FREM2: variants seen among roughly 807,000 people sequenced by gnomAD.
FREM2 encodes the protein FRAS1 related extracellular matrix 2.
FREM2 carries 119 observed loss-of-function variants against 219.9 expected under a neutral mutation model. That is an observed-to-expected ratio of 0.54 (90% confidence interval 0.47 to 0.63). The LOEUF (loss-of-function observed/expected upper bound fraction) is 0.63. FREM2 is among the 30% of genes least tolerant of loss of function. The pLI is 0.00. For synonymous variants in FREM2, 1,562 were observed against 1,522.8 expected (o/e 1.03, Z -0.60); for missense variants, 4,030 against 3,993.6 (o/e 1.01, Z -0.25).
rs1186165182 is a variant in FREM2 at position 38,764,292 on chromosome 13, T to C, written c.5264-12T>C. 6.2e-7 allele frequency: 1 copy of C among 1,605,540 alleles called. No individual in the cohort carries two copies. The highest frequency in any genetic ancestry group is 1.7e-5 in the Admixed American group (1 of 59,940). ...AAGCACTAATTTATGGCTTTAAATT[T>C]TTATTTTCAAGGTGGAAACAAGTTA... On this transcript the variant is annotated splice_polypyrimidine_tract_variant and intron_variant, in intron 2 of 23. Transcript: ENST00000280481.
intron 6 of FREM2, among the ~76,000 whole-genome samples, chr13:38,803,600 A>T (rs1476078714): frequency 6.6e-6 from 1 of 151,858 alleles, no homozygotes; most frequent in African/African-American, 2.4e-5. Context: ...GTCAGTGTTA[A>T]CAATATTTCA....
intron 7 of FREM2, among the ~76,000 whole-genome samples, chr13:38,847,484 A>G (rs1877208318): frequency 6.6e-6 from 1 of 152,206 alleles, no homozygotes; most frequent in Admixed American, 6.5e-5. Context: ...TGCACGTAGC[A>G]GGTGCCCATT....
chr13:38,814,012 A>G (rs954183695), intron 6 of FREM2, among the ~76,000 whole-genome samples: 1 of 151,672 alleles, frequency 6.6e-6, no homozygotes, highest in Admixed American at 6.6e-5. Flanking sequence ...TGTCGCCTAC[A>G]TTTTTCAAGT....
At chr13:38,876,446 TAA>T (rs67517056) in intron 20 of FREM2, 64 bp downstream of exon 20, 1,617 of 1,104,868 alleles carry the variant, frequency 1.5e-3, no homozygotes, top group Non-Finnish European at 1.6e-3. Context: ...CATTTATTAG[TAA>T]AAAAAAAAAA....
At chr13:38,832,129 A>G (rs1412368191) in intron 6 of FREM2, among the ~76,000 whole-genome samples, 1 of 151,948 alleles carries the variant, frequency 6.6e-6, no homozygotes, top group African/African-American at 2.4e-5. Context: ...AGCCTGGCCA[A>G]CATGGTGAAA....
chr13:38,853,646 C>T (rs921872668), intron 11 of FREM2, among the ~76,000 whole-genome samples: 5 of 152,148 alleles, frequency 3.3e-5, no homozygotes, highest in Admixed American at 2.0e-4. Context: ...ATATTCTTTC[C>T]ATATAATGGT....
chr13:38,743,111 C>T (rs1872316747), intron 2 of FREM2, among the ~76,000 whole-genome samples: 1 of 152,156 alleles, frequency 6.6e-6, no homozygotes, highest in Non-Finnish European at 1.5e-5. Context: ...AGCTCATCCA[C>T]CTTGCTGACA....
chr13:38,768,081 A>G (rs1873511987), intron 3 of FREM2, among the ~76,000 whole-genome samples: 1 of 152,180 alleles, frequency 6.6e-6, no homozygotes, highest in Admixed American at 6.5e-5. Flanking sequence ...AGAGCCTGGC[A>G]TGGAATAAGT....
At chr13:38,789,791 C>T (rs1874485726) in intron 6 of FREM2, among the ~76,000 whole-genome samples, 1 of 149,782 alleles carries the variant, frequency 6.7e-6, no homozygotes, top group South Asian at 2.1e-4. Context: ...ATTTTTTCTT[C>T]ATATAGTTTC....
At chr13:38,846,754 G>A (rs758020273) in intron 7 of FREM2, 32 bp downstream of exon 7, 1 of 1,612,290 alleles carries the variant, frequency 6.2e-7, no homozygotes, top group South Asian at 1.1e-5. Flanking sequence ...TCTTTTGATT[G>A]TTCTGCAATT....
rs773097689 is a variant in FREM2 at position 38,864,459 on chromosome 13, C to T, written c.7836C>T (p.Tyr2612=). The change falls in exon 16 of 24, where the codon TAC becomes TAT. Residue 2612 remains tyrosine, a synonymous_variant. Transcript: ENST00000280481. ...AAATAATTGGAGAGACATATCCTTA[C>T]CAGTACAGCTTGTCCATCAGAGGTT... ...NPEIIGETYP[Y]QYSLSIRGST... The T allele has an allele frequency of 6.2e-7, 1 of 1,614,154 alleles. No individual in the cohort carries two copies. The highest frequency in any genetic ancestry group is 8.5e-7 in the Non-Finnish European group (1 of 1,180,026).
In FREM2 at chr13:38,850,157, C is replaced by G. The variant is rs114837786; in HGVS notation, c.6499C>G (p.Arg2167Gly). 6.2e-7 allele frequency: 1 copy of G among 1,613,974 alleles called. No homozygotes were observed. Among genetic ancestry groups the G allele is most frequent in the Non-Finnish European group, 8.5e-7 (1 of 1,179,872 alleles). The part of the protein sequence containing the change: ...QYRSSVRCYT[R>G]QGSAQVMMDF... ...CAGATCTTCAGTGAGATGCTACACC[C>G]GGCAGGGGTCTGCACAGGTGATGAT... Residue 2167 changes from arginine (R) to glycine (G), a missense_variant, in exon 9 of 24, where the codon CGG becomes GGG. Arg to Gly is a moderately radical substitution (Grantham distance 125, BLOSUM62 -2). This residue lies in a region of FREM2 where 3,102 missense variants were observed against 2,950.7 expected (regional missense o/e 1.05). Coordinates refer to ENST00000280481, the MANE Select transcript of FREM2 (RefSeq NM_207361.6).
chr13:38,822,347 C>CT lies in FREM2; in HGVS notation c.6020-24202dup, dbSNP rs951562767. Among the ~76,000 whole-genome samples, 486 of 100,024 alleles carry CT rather than the reference C, an allele frequency of 4.9e-3. 2 individuals are homozygous for CT. The highest frequency in any genetic ancestry group is 0.017 in the Middle Eastern group (3 of 176). The allele number at this position is 100,024 out of a possible 152,430, so 65.6% of individuals were successfully genotyped here. A position where few individuals can be genotyped will look rare whatever the true frequency, so the allele number is the denominator to read the frequency against. Reference sequence around the variant, plus strand: ...CCAACAAGGAGCCCATTCTTTCTTTCTTTTTTTTTTTTTTTTTTTTTTTTA... The same window carrying CT: ...CCAACAAGGAGCCCATTCTTTCTTTCTTTTTTTTTTTTTTTTTTTTTTTTTA... On this transcript the variant is annotated intron_variant, in intron 6 of 23. Transcript: ENST00000280481.
intron 2 of FREM2, among the ~76,000 whole-genome samples, chr13:38,726,171 G>T (rs544878798): frequency 1.8e-3 from 278 of 152,274 alleles, no homozygotes; most frequent in Non-Finnish European, 2.6e-3. Flanking sequence ...GGTTTCTGTG[G>T]GAAAAGTGAG....
chr13:38,826,905 A>C (rs772574067), intron 6 of FREM2, among the ~76,000 whole-genome samples: 1 of 152,092 alleles, frequency 6.6e-6, no homozygotes, highest in Non-Finnish European at 1.5e-5. Flanking sequence ...TCTTCCTAGA[A>C]TCTTTTAATT....
chr13:38,756,412 A>T (rs189408479), intron 2 of FREM2, among the ~76,000 whole-genome samples: 62 of 151,928 alleles, frequency 4.1e-4, no homozygotes, highest in African/African-American at 1.4e-3. Context: ...AACACGGCAC[A>T]CTCACAGTCT....
At chr13:38,772,037 CTT>C (rs1383200671) in intron 4 of FREM2, among the ~76,000 whole-genome samples, 1 of 151,946 alleles carries the variant, frequency 6.6e-6, no homozygotes, top group Non-Finnish European at 1.5e-5. Flanking sequence ...CATTTAAAAA[CTT>C]TGTTTCCTTT....
intron 6 of FREM2, among the ~76,000 whole-genome samples, chr13:38,786,966 G>A (rs990874484): frequency 2.6e-5 from 4 of 152,010 alleles, no homozygotes; most frequent in African/African-American, 7.3e-5. Context: ...CCTTTAAAAC[G>A]TGTCTCTAGT....
intron 2 of FREM2, among the ~76,000 whole-genome samples, chr13:38,730,887 A>G (rs565714848): frequency 6.6e-6 from 1 of 152,092 alleles, no homozygotes; most frequent in African/African-American, 2.4e-5. Flanking sequence ...CACCTACACC[A>G]AAAGGGCGAT....
Sources: gnomAD v4.1 joint callset for allele counts (sites outside exome capture counted in the v4.1 genomes callset) on GRCh38, gnomAD v4.1.1 for gene constraint, gnomAD v4.1.1 regional missense constraint, MANE v1.5 for transcripts, NCBI Gene and HGNC (gene_info 2026-07-23, HGNC 2026-07-21) for gene names.